UBE2E2: variants seen among roughly 807,000 people sequenced by gnomAD.
UBE2E2 encodes the protein ubiquitin-conjugating enzyme E2 E2.
Under a neutral mutation model 24.7 loss-of-function variants are expected in UBE2E2, and 6 were observed. The ratio of observed to expected loss-of-function variants is 0.24; its 90% confidence interval spans 0.13 to 0.48. The LOEUF is 0.48. Among genes scored for constraint, UBE2E2 ranks in the 20% least tolerant of loss-of-function variants. The probability of loss-of-function intolerance (pLI) is 0.99; values close to 1 mark genes in which losing one functional copy is unlikely to be tolerated. For synonymous variants in UBE2E2, 104 were observed against 83.6 expected, an observed-to-expected ratio of 1.24 and a Z score of -1.33; for missense variants, 169 against 245.0, an observed-to-expected ratio of 0.69 and a Z score of 2.07.
At chr3:23,516,594 A>G (rs1186947737) in intron 4 of UBE2E2, among the ~76,000 whole-genome samples, 2 of 152,200 alleles carry the variant, frequency 1.3e-5, no homozygotes, top group Non-Finnish European at 2.9e-5. Flanking sequence ...AGTGAAGACA[A>G]AATTCTTAAA....
At chr3:23,217,379 A>G (rs1696504569) in intron 3 of UBE2E2, 67 bp downstream of exon 3, 3 of 1,397,870 alleles carry the variant, frequency 2.1e-6, no homozygotes, top group East Asian at 2.3e-5. Flanking sequence ...TGTTGGTTTT[A>G]TATGCAGCTG....
At chr3:23,550,339 A>C (rs1474603842) in intron 5 of UBE2E2, among the ~76,000 whole-genome samples, 2 of 152,162 alleles carry the variant, frequency 1.3e-5, no homozygotes, top group East Asian at 3.8e-4. Context: ...ATGTGGCCAA[A>C]GGGCTCCCCG....
At chr3:23,412,652 A>G (rs1697519453) in intron 3 of UBE2E2, among the ~76,000 whole-genome samples, 1 of 152,208 alleles carries the variant, frequency 6.6e-6, no homozygotes, top group African/African-American at 2.4e-5. Flanking sequence ...ACCTTAGTTA[A>G]GAGTTCAGAA....
chr3:23,259,065 C>A (rs541466237), intron 3 of UBE2E2, among the ~76,000 whole-genome samples: 1 of 152,110 alleles, frequency 6.6e-6, no homozygotes, highest in Non-Finnish European at 1.5e-5. Context: ...CAGGTGAATT[C>A]TTTTAAAATT....
At position 23,323,915 on chromosome 3, in the gene UBE2E2, G is replaced by A. The variant is rs187682005; in HGVS notation, c.227+106603G>A. On this transcript the variant is annotated intron_variant, in intron 3 of 5. Transcript: ENST00000396703. Reference sequence around the variant, plus strand: ...ATTATTGAGCTCCTTGAAGACAAAAGTTGTGATATACCTCTTCACTTCTCC... The same window carrying A: ...ATTATTGAGCTCCTTGAAGACAAAAATTGTGATATACCTCTTCACTTCTCC... 4.1e-4 allele frequency among the ~76,000 whole-genome samples: 62 copies of A among 152,242 alleles called. No homozygotes were observed. In the East Asian group the frequency reaches 0.011, roughly 27 times the overall value.
intron 3 of UBE2E2, among the ~76,000 whole-genome samples, chr3:23,471,576 T>G (rs901857357): frequency 1.3e-5 from 2 of 152,162 alleles, no homozygotes; most frequent in Admixed American, 6.5e-5. Context: ...TGGGCGTTTT[T>G]GTAATGTTTA....
At chr3:23,256,171 A>C (rs1179225283) in intron 3 of UBE2E2, among the ~76,000 whole-genome samples, 1 of 152,144 alleles carries the variant, frequency 6.6e-6, no homozygotes, top group African/African-American at 2.4e-5. Flanking sequence ...TTCGTTCTTA[A>C]TTTCTGGTTA....
At chr3:23,408,207 G>A (rs1575610402) in intron 3 of UBE2E2, among the ~76,000 whole-genome samples, 1 of 152,068 alleles carries the variant, frequency 6.6e-6, no homozygotes, top group South Asian at 2.1e-4. Flanking sequence ...CTTATTTAGA[G>A]TTAGGTATAT....
In UBE2E2 at chr3:23,279,858, A is replaced by G. The variant is rs145749562; in HGVS notation, c.227+62546A>G. 2.6e-3 allele frequency among the ~76,000 whole-genome samples: 389 copies of G among 152,346 alleles called. 3 individuals are homozygous for G. Among genetic ancestry groups the G allele is most frequent in the African/African-American group, 8.9e-3 (372 of 41,576 alleles). On this transcript the variant is annotated intron_variant, in intron 3 of 5. Transcript: ENST00000396703. ...CCTTATAGTAGTTAACAGTGTAGGCATACATGACCAAACTCTTTTCCCTGC... is the reference window on the plus strand; with the variant it reads ...CCTTATAGTAGTTAACAGTGTAGGCGTACATGACCAAACTCTTTTCCCTGC...
chr3:23,527,665 G>A (rs1030590292), intron 4 of UBE2E2, among the ~76,000 whole-genome samples: 11 of 152,044 alleles, frequency 7.2e-5, no homozygotes, highest in Non-Finnish European at 1.3e-4. Flanking sequence ...TGAAATTTGA[G>A]TTGATCACTA....
At chr3:23,321,824 A>T (rs1022640435) in intron 3 of UBE2E2, among the ~76,000 whole-genome samples, 3 of 151,790 alleles carry the variant, frequency 2.0e-5, no homozygotes, top group African/African-American at 7.3e-5. Context: ...GATTTATCCA[A>T]GCTCTTTATA....
At chr3:23,385,150 AC>A (rs1243086688) in intron 3 of UBE2E2, among the ~76,000 whole-genome samples, 1 of 152,078 alleles carries the variant, frequency 6.6e-6, no homozygotes, top group Admixed American at 6.5e-5. Context: ...ATAATTTAAT[AC>A]TTTTTATGAT....
chr3:23,281,738 G>A (rs1698494647), intron 3 of UBE2E2, among the ~76,000 whole-genome samples: 3 of 152,150 alleles, frequency 2.0e-5, no homozygotes, highest in African/African-American at 7.2e-5. Flanking sequence ...AAATAATCTT[G>A]TAAATAGAAA....
intron 3 of UBE2E2, among the ~76,000 whole-genome samples, chr3:23,348,261 T>C (rs1225080275): frequency 1.3e-5 from 2 of 151,880 alleles, no homozygotes; most frequent in Non-Finnish European, 2.9e-5. Flanking sequence ...TGCATGGTTT[T>C]TCATGGCCAC....
rs181011665 is a variant in UBE2E2 at position 23,229,273 on chromosome 3, G to A, written c.227+11961G>A. On this transcript the variant is annotated intron_variant, in intron 3 of 5. Transcript: ENST00000396703. ...CTTTACAACTGTCTTTGAGGTGACA[G>A]TAGTTTTATTATTTATTTTAAGTTT... is the stretch of plus-strand genomic sequence containing the variant. Among the ~76,000 whole-genome samples, 258 of 152,290 alleles carry A rather than the reference G, an allele frequency of 1.7e-3. 1 individual carries two copies. The highest frequency in any genetic ancestry group is 3.8e-3 in the Admixed American group (58 of 15,288).
At position 23,354,707 on chromosome 3, in the gene UBE2E2, A is replaced by G. The variant is rs540462213; in HGVS notation, c.227+137395A>G. On this transcript the variant is annotated intron_variant, in intron 3 of 5. Transcript: ENST00000396703. ...CCATCTCACACCAGTTAGAATGGCA[A>G]TCACTAAAAAGTCAGGAAGCAACAG... 3.2e-4 allele frequency among the ~76,000 whole-genome samples: 48 copies of G among 152,314 alleles called. No homozygotes were observed. The South Asian group carries it at 3.5e-3, about 11-fold the overall frequency.
chr3:23,244,121 C>G (rs1284108833), intron 3 of UBE2E2, among the ~76,000 whole-genome samples: 1 of 83,782 alleles, frequency 1.2e-5, no homozygotes, highest in East Asian at 3.3e-4. Flanking sequence ...AAAATGTACC[C>G]TGCATTTCAT....
intron 4 of UBE2E2, among the ~76,000 whole-genome samples, chr3:23,519,136 A>C (rs1422570331): frequency 1.3e-5 from 2 of 152,180 alleles, no homozygotes; most frequent in Non-Finnish European, 2.9e-5. Context: ...TAAGTAAACC[A>C]ATATTTGTAT....
intron 1 of UBE2E2, among the ~76,000 whole-genome samples, chr3:23,204,193 CT>C (rs2125312792): frequency 7.7e-6 from 1 of 129,730 alleles, no homozygotes; most frequent in African/African-American, 2.9e-5. Flanking sequence ...ATGTTTTGAT[CT>C]TTTTGCCCTT....
Sources: allele counts gnomAD v4.1 joint callset (sites outside exome capture counted in the v4.1 genomes callset), GRCh38; gene constraint gnomAD v4.1.1; transcripts MANE v1.5; gene names NCBI Gene and HGNC (gene_info 2026-07-23, HGNC 2026-07-21).